Variants in SCAPER observed in about 807,000 individuals in gnomAD.
SCAPER encodes the protein S phase cyclin A-associated protein in the endoplasmic reticulum.
Under a neutral mutation model 182.2 loss-of-function variants are expected in SCAPER, and 98 were observed. That is an observed-to-expected ratio of 0.54 (90% CI 0.46 to 0.64). The LOEUF (loss-of-function observed/expected upper bound fraction) is 0.64, where lower values mean the gene tolerates loss of function less well. SCAPER is among the 30% of genes least tolerant of loss of function. The pLI, the probability that SCAPER is intolerant of heterozygous loss-of-function variation, is 0.00. For synonymous variants in SCAPER, 605 were observed against 564.6 expected, an observed-to-expected ratio of 1.07 and a Z score of -1.01; for missense variants, 1,432 against 1,690.0, an observed-to-expected ratio of 0.85 and a Z score of 2.68.
chr15:76,621,030 A>G (rs1039723233), intron 22 of SCAPER, among the ~76,000 whole-genome samples: 2 of 152,168 alleles, frequency 1.3e-5, no homozygotes, highest in Admixed American at 1.3e-4. Flanking sequence ...TTTTTAAAAG[A>G]GTCATCTATG....
At chr15:76,454,072 C>G (rs1447312913) in intron 25 of SCAPER, among the ~76,000 whole-genome samples, 1 of 150,852 alleles carries the variant, frequency 6.6e-6, no homozygotes, top group Non-Finnish European at 1.5e-5. Context: ...CCTTCACTAG[C>G]GGATCCCTAC....
intron 23 of SCAPER, among the ~76,000 whole-genome samples, chr15:76,546,643 CCTCT>C (rs139483801): frequency 2.0e-5 from 3 of 147,682 alleles, no homozygotes; most frequent in Non-Finnish European, 3.0e-5. Context: ...TCTCTCTCTC[CCTCT>C]CTCTCTCTCT....
intron 24 of SCAPER, among the ~76,000 whole-genome samples, chr15:76,477,212 T>C (rs1419987806): frequency 6.6e-6 from 1 of 152,198 alleles, no homozygotes; most frequent in African/African-American, 2.4e-5. Flanking sequence ...AGAATACAGT[T>C]TGAGATGTCT....
Position 76,519,275 on chromosome 15 carries a change from G to T in SCAPER, c.2839-14301C>A, listed in dbSNP as rs570380861. Among the ~76,000 whole-genome samples the T allele has an allele frequency of 2.6e-5, 4 of 152,058 alleles. No homozygotes were observed. The East Asian group carries it at 7.7e-4, about 29-fold the overall frequency. Reference sequence around the variant, plus strand: ...GCAAGTTTATATCCTCACTACACAGGCAAGTGATCATATAGAAAATAAATG... The same window carrying T: ...GCAAGTTTATATCCTCACTACACAGTCAAGTGATCATATAGAAAATAAATG... On this transcript the variant is annotated intron_variant, in intron 23 of 31. Transcript: ENST00000563290.
chr15:76,652,343 T>TAC (rs1230104329), intron 21 of SCAPER, among the ~76,000 whole-genome samples: 8 of 12,238 alleles, frequency 6.5e-4, no homozygotes, highest in East Asian at 6.4e-3. Flanking sequence ...TACACATATA[T>TAC]ACACACACAC....
intron 5 of SCAPER, among the ~76,000 whole-genome samples, chr15:76,813,063 C>A (rs1421054430): frequency 4.0e-5 from 6 of 151,030 alleles, no homozygotes; most frequent in African/African-American, 9.7e-5. Context: ...AGATAATATA[C>A]CATAACCAAG....
chr15:76,664,440 G>A (rs1265241274), intron 21 of SCAPER, among the ~76,000 whole-genome samples: 1 of 152,166 alleles, frequency 6.6e-6, no homozygotes, highest in Admixed American at 6.6e-5. Context: ...CTAGAATAAA[G>A]TATTCATTTG....
intron 29 of SCAPER, among the ~76,000 whole-genome samples, chr15:76,356,089 A>G (rs1483435064): frequency 6.6e-6 from 1 of 152,184 alleles, no homozygotes; most frequent in African/African-American, 2.4e-5. Flanking sequence ...ATGAGCCAGA[A>G]TGGGACATCT....
chr15:76,695,280 A>C (rs1257456539), intron 20 of SCAPER, among the ~76,000 whole-genome samples: 1 of 152,162 alleles, frequency 6.6e-6, no homozygotes, highest in African/African-American at 2.4e-5. Flanking sequence ...CTAAAAAGCA[A>C]GCTTGTATTC....
chr15:76,449,820 T>A (rs1352052617), intron 25 of SCAPER, among the ~76,000 whole-genome samples: 4 of 152,232 alleles, frequency 2.6e-5, no homozygotes, highest in Non-Finnish European at 4.4e-5. Flanking sequence ...TTTAAAGGAA[T>A]CTCTCCCTCC....
At chr15:76,751,692 T>C (rs1452614400) in intron 15 of SCAPER, among the ~76,000 whole-genome samples, 2 of 151,618 alleles carry the variant, frequency 1.3e-5, no homozygotes, top group African/African-American at 4.8e-5. Context: ...AAAATCAAGC[T>C]AAACCTTTAC....
chr15:76,605,451 C>T (rs1567574589), intron 22 of SCAPER, among the ~76,000 whole-genome samples: 1 of 151,966 alleles, frequency 6.6e-6, no homozygotes, highest in African/African-American at 2.4e-5. Flanking sequence ...ATTTTTGCAT[C>T]AATGTTCATC....
intron 23 of SCAPER, among the ~76,000 whole-genome samples, chr15:76,534,382 T>G (rs894978364): frequency 1.4e-4 from 22 of 152,292 alleles, no homozygotes; most frequent in African/African-American, 5.3e-4. Flanking sequence ...ATAAGTGTTG[T>G]CATCAGTCTT....
At chr15:76,679,346 ATATTT>A (rs1478013196) in intron 20 of SCAPER, among the ~76,000 whole-genome samples, 1 of 152,208 alleles carries the variant, frequency 6.6e-6, no homozygotes. Context: ...CAGTTCCATT[ATATTT>A]AAGTTTAAAA....
chr15:76,401,723 G>C (rs569720974), intron 27 of SCAPER, among the ~76,000 whole-genome samples: 1 of 152,244 alleles, frequency 6.6e-6, no homozygotes, highest in Admixed American at 6.5e-5. Flanking sequence ...TTGTATGTCC[G>C]TATCTCTTGG....
Position 76,354,094 on chromosome 15 carries a change from C to T in SCAPER, c.3902G>A (p.Cys1301Tyr). Reference sequence around the variant, plus strand: ...ACTGAAATACTGGAAGGGCAACTGGCAGAGCTTCTGCAGCACTGTGGGGTG... The same window carrying T: ...ACTGAAATACTGGAAGGGCAACTGGTAGAGCTTCTGCAGCACTGTGGGGTG... ...GRHPTVLQKLCQLPFQYFSDP... is the reference protein window; with the variant it reads ...GRHPTVLQKLYQLPFQYFSDP... Residue 1301 changes from cysteine (C) to tyrosine (Y), a missense_variant, in exon 30 of 32, where the codon TGC becomes TAC. Cys to Tyr is a radical substitution (Grantham distance 194). Around this residue, in one of 5 missense-constraint regions of SCAPER, gnomAD observed 718 missense variants for 799.7 expected, o/e 0.90. Transcript: ENST00000563290. This position sits in a 1 kb window ranked among gnomAD's most constrained non-coding sequence, Gnocchi z 4.4. The T allele has an allele frequency of 6.2e-7, 1 of 1,610,720 alleles. No individual in the cohort carries two copies. Among genetic ancestry groups the T allele is most frequent in the Non-Finnish European group, 8.5e-7 (1 of 1,178,888 alleles).
chr15:76,875,924 G>A (rs545697692), intron 2 of SCAPER, among the ~76,000 whole-genome samples: 10 of 151,608 alleles, frequency 6.6e-5, no homozygotes, highest in African/African-American at 2.4e-4. Flanking sequence ...CCACGGTGGG[G>A]GGCGGGGTCA....
intron 29 of SCAPER, among the ~76,000 whole-genome samples, chr15:76,366,672 G>A (rs2041837862): frequency 6.6e-6 from 1 of 152,264 alleles, no homozygotes; most frequent in African/African-American, 2.4e-5. Flanking sequence ...TCTCTGTGGT[G>A]TGTTTTGTTT....
chr15:76,680,947 T>A (rs887329325), intron 20 of SCAPER, among the ~76,000 whole-genome samples: 1 of 152,184 alleles, frequency 6.6e-6, no homozygotes, highest in Non-Finnish European at 1.5e-5. Context: ...GAAGACTACA[T>A]GAAGACAAAC....
Sources: gnomAD v4.1 joint callset for allele counts (sites outside exome capture counted in the v4.1 genomes callset) on GRCh38, gnomAD v4.1.1 for gene constraint, gnomAD v4.1.1 regional missense constraint, Gnocchi (gnomAD v3.1) non-coding constraint, MANE v1.5 for transcripts, NCBI Gene and HGNC (gene_info 2026-07-23, HGNC 2026-07-21) for gene names.